LIMD1: variants seen among roughly 807,000 people sequenced by gnomAD.
The protein encoded by LIMD1 is LIM domain containing 1, also known as LIM domain-containing protein 1.
A neutral mutation model predicts 58.4 loss-of-function variants in LIMD1; 23 were observed. The observed-to-expected ratio is 0.39, with a 90% CI of 0.28 to 0.56. LIMD1 has a LOEUF of 0.56. Ranked by LOEUF, LIMD1 falls within the 20% of genes least tolerant of loss-of-function variation. LIMD1 has a pLI of 0.57. For missense variants in LIMD1, 838 were observed against 855.5 expected, an observed-to-expected ratio of 0.98 and a Z score of 0.25; for synonymous variants, 334 against 345.5, an observed-to-expected ratio of 0.97 and a Z score of 0.37.
chr3:45,665,853 T>C (rs1697510622), intron 3 of LIMD1, 136 bp downstream of exon 3: 1 of 749,472 alleles, frequency 1.3e-6, no homozygotes, highest in Non-Finnish European at 2.3e-6. Flanking sequence ...CTGTAGATAC[T>C]TGGGGGTGGC....
chr3:45,673,608 A>G, intron 6 of LIMD1, 103 bp downstream of exon 6: 2 of 1,023,568 alleles, frequency 2.0e-6, no homozygotes, highest in Non-Finnish European at 1.5e-6. Flanking sequence ...CTTTTAAGGT[A>G]TCCTTTTAAA....
intron 2 of LIMD1, among the ~76,000 whole-genome samples, chr3:45,640,623 T>G (rs1701832459): frequency 6.6e-6 from 1 of 152,092 alleles, no homozygotes; most frequent in Admixed American, 6.6e-5. Context: ...AGAGACAGGG[T>G]TTCACCATGT....
chr3:45,596,383 T>A (rs1444895093), intron 1 of LIMD1, 96 bp downstream of exon 1: 2 of 965,822 alleles, frequency 2.1e-6, no homozygotes, highest in Non-Finnish European at 3.1e-6. Context: ...GGGCTGTAGT[T>A]ACCTCTCTTT....
rs1697746568 is a variant in LIMD1, at chr3:45,681,664, T to C, written c.*4605T>C. The C allele has an allele frequency of 6.6e-6, 1 of 152,222 alleles. No homozygotes were observed. The highest frequency in any genetic ancestry group is 2.1e-4 in the South Asian group (1 of 4,830). 9.4% of individuals were successfully genotyped at this position (152,222 alleles called of 1,614,324 possible). ...AATGGGCAGTAAGCCTGCCTGACTT[T>C]TGCTCCAGAGACAGACACTATCTCT... is the stretch of plus-strand genomic sequence containing the variant. On this transcript the variant is annotated 3_prime_UTR_variant, in exon 8 of 8. Transcript: ENST00000273317.
At chr3:45,638,360 A>C (rs1701810005) in intron 2 of LIMD1, among the ~76,000 whole-genome samples, 1 of 152,180 alleles carries the variant, frequency 6.6e-6, no homozygotes, top group Non-Finnish European at 1.5e-5. Context: ...TATTGTGTGA[A>C]TCTGAAGTTT....
In LIMD1 at chr3:45,594,778, A is replaced by AACACACACACACACACAC. The variant is rs57091993; in HGVS notation, c.-53_-36dup. 6.7e-4 allele frequency: 492 copies of AACACACACACACACACAC among 731,652 alleles called. 21 individuals carry two copies. The highest frequency in any genetic ancestry group is 1.8e-3 in the African/African-American group (68 of 38,034). 45.3% of individuals were successfully genotyped at this position (731,652 alleles called of 1,614,324 possible). On this transcript the variant is annotated 5_prime_UTR_variant, in exon 1 of 8. Coordinates refer to ENST00000273317, the MANE Select transcript of LIMD1 (RefSeq NM_014240.3). The stretch of plus-strand genomic sequence containing the variant: ...TCGCCAGCATCTCCCCGCTGCCCTC[A>AACACACACACACACACAC]ACACACACACACACACACACACACA...
chr3:45,662,648 C>T (rs1697458032), intron 2 of LIMD1, among the ~76,000 whole-genome samples: 1 of 152,136 alleles, frequency 6.6e-6, no homozygotes, highest in Non-Finnish European at 1.5e-5. Context: ...TTGAAATTTT[C>T]CTACTGTTAC....
chr3:45,599,844 G>C (rs1017843777), intron 1 of LIMD1, among the ~76,000 whole-genome samples: 4 of 152,234 alleles, frequency 2.6e-5, no homozygotes, highest in African/African-American at 9.6e-5. Flanking sequence ...CTATGTAGGA[G>C]AGGGTTTGCT....
At chr3:45,653,922 A>G (rs1401956495) in intron 2 of LIMD1, among the ~76,000 whole-genome samples, 18 of 143,520 alleles carry the variant, frequency 1.3e-4, no homozygotes, top group Middle Eastern at 3.6e-3. Context: ...AAAAAAAAAA[A>G]AAAAGAAAAA....
At chr3:45,614,909 T>C (rs1325876203) in intron 1 of LIMD1, among the ~76,000 whole-genome samples, 2 of 152,134 alleles carry the variant, frequency 1.3e-5, no homozygotes, top group African/African-American at 4.8e-5. Flanking sequence ...TTTTTTCTTT[T>C]ACACATAGAT....
At chr3:45,675,307 A>C (rs1697652927) in intron 7 of LIMD1, among the ~76,000 whole-genome samples, 2 of 152,250 alleles carry the variant, frequency 1.3e-5, no homozygotes, top group Admixed American at 1.3e-4. Flanking sequence ...AGGCCGGCAG[A>C]TTACTTGAGG....
At chr3:45,611,272 A>C (rs951108376) in intron 1 of LIMD1, among the ~76,000 whole-genome samples, 1 of 152,222 alleles carries the variant, frequency 6.6e-6, no homozygotes, top group Non-Finnish European at 1.5e-5. Flanking sequence ...GAGCCCACTG[A>C]GGCCAAATGC....
At chr3:45,631,418 T>C (rs1314141822) in intron 1 of LIMD1, among the ~76,000 whole-genome samples, 2 of 152,178 alleles carry the variant, frequency 1.3e-5, no homozygotes, top group Non-Finnish European at 2.9e-5. Flanking sequence ...GGAAGTACTT[T>C]TAGATCCATT....
rs1220737256 is a variant in LIMD1, at chr3:45,636,267, G to A, written c.1510+16G>A. ...GCAGCTTGCAGTAAGTGTGGGTGTGGGTGTCGGGTGTGTGGGGGATGCGTA... is the reference window on the plus strand; with the variant it reads ...GCAGCTTGCAGTAAGTGTGGGTGTGAGTGTCGGGTGTGTGGGGGATGCGTA... On this transcript the variant is annotated intron_variant, in intron 2 of 7. Coordinates refer to ENST00000273317, the MANE Select transcript of LIMD1 (RefSeq NM_014240.3). 2 of 1,565,780 alleles carry A rather than the reference G, an allele frequency of 1.3e-6. No homozygotes were observed. The highest frequency in any genetic ancestry group is 1.7e-6 in the Non-Finnish European group (2 of 1,147,434).
chr3:45,657,786 T>C (rs1271417681), intron 2 of LIMD1, among the ~76,000 whole-genome samples: 2 of 152,170 alleles, frequency 1.3e-5, no homozygotes, highest in African/African-American at 4.8e-5. Context: ...AGTATCATAT[T>C]TTTACTCCAG....
intron 1 of LIMD1, among the ~76,000 whole-genome samples, chr3:45,623,795 C>A (rs1442999075): frequency 6.6e-6 from 1 of 152,142 alleles, no homozygotes; most frequent in Non-Finnish European, 1.5e-5. Context: ...TGGTTCTCGT[C>A]CCTGGCTGTG....
chr3:45,644,722 C>T (rs1575357278), intron 2 of LIMD1, among the ~76,000 whole-genome samples: 2 of 152,154 alleles, frequency 1.3e-5, no homozygotes, highest in East Asian at 3.9e-4. Flanking sequence ...ATTAAATTAC[C>T]TTTGCTTAGA....
At chr3:45,645,361 AAC>A (rs142468617) in intron 2 of LIMD1, among the ~76,000 whole-genome samples, 227 of 152,326 alleles carry the variant, frequency 1.5e-3, no homozygotes, top group African/African-American at 5.0e-3. Flanking sequence ...CTATCGTCTG[AAC>A]ACAGTCTGAG....
In LIMD1 at chr3:45,668,291, C is replaced by T. The variant is rs1575366653; in HGVS notation, c.1579-3C>T. On this transcript the variant is annotated splice_region_variant and splice_polypyrimidine_tract_variant and intron_variant, in intron 3 of 7. Coordinates refer to ENST00000273317, the MANE Select transcript of LIMD1 (RefSeq NM_014240.3). ...TTAACTTTCTTTTCTTTTTCTTCTGCAGTACTCTGGTTTCCAGCAGTCGGC... is the reference window on the plus strand; with the variant it reads ...TTAACTTTCTTTTCTTTTTCTTCTGTAGTACTCTGGTTTCCAGCAGTCGGC... 6.2e-7 allele frequency: 1 copy of T among 1,611,154 alleles called. No homozygotes were observed. Among genetic ancestry groups the T allele is most frequent in the Non-Finnish European group, 8.5e-7 (1 of 1,178,286 alleles).
Sources: allele counts gnomAD v4.1 joint callset (sites outside exome capture counted in the v4.1 genomes callset), GRCh38; gene constraint gnomAD v4.1.1; transcripts MANE v1.5; gene names NCBI Gene and HGNC (gene_info 2026-07-23, HGNC 2026-07-21).